Variants in P2RX7 observed in about 807,000 individuals in gnomAD.
The protein encoded by P2RX7 is P2X purinoceptor 7.
Under a neutral mutation model 71.6 loss-of-function variants are expected in P2RX7, and 62 were observed. The observed-to-expected ratio is 0.87, with a 90% CI of 0.71 to 1.07. The LOEUF is 1.07. P2RX7 is among the 50% of genes least tolerant of loss of function. The probability of loss-of-function intolerance (pLI) is 0.00; values close to 1 mark genes in which losing one functional copy is unlikely to be tolerated. For missense variants in P2RX7, 686 were observed against 748.5 expected, an observed-to-expected ratio of 0.92 and a Z score of 0.97; for synonymous variants, 299 against 283.3, an observed-to-expected ratio of 1.06 and a Z score of -0.56.
intron 4 of P2RX7, chr12:121,162,217 C>G (rs931311655): frequency 1.5e-6 from 2 of 1,363,606 alleles, no homozygotes; most frequent in African/African-American, 1.5e-5. Context: ...TGTGTTCTCT[C>G]TGATCTTTAT....
rs1019864445 is a variant in P2RX7 at position 121,185,306 on chromosome 12, G to A, written c.*504G>A. On this transcript the variant is annotated 3_prime_UTR_variant, in exon 13 of 13. Coordinates refer to ENST00000328963, the MANE Select transcript of P2RX7 (RefSeq NM_002562.6). ...GGACTCAGAGAAAAGAGATTGAGAT[G>A]TAAGTCTCAACTCTGTCCCCAGGAA... 1 of 154,518 alleles carries A rather than the reference G, an allele frequency of 6.5e-6. No homozygotes were observed. Among genetic ancestry groups the A allele is most frequent in the Non-Finnish European group, 1.4e-5 (1 of 69,692 alleles). 9.6% of individuals were successfully genotyped at this position (154,518 alleles called of 1,614,324 possible).
rs1407311161 is a variant in P2RX7, at chr12:121,154,586, G to A, written c.126-199G>A. Among the ~76,000 whole-genome samples, 1 of 152,140 alleles carries A rather than the reference G, an allele frequency of 6.6e-6. No homozygotes were observed. The highest frequency in any genetic ancestry group is 1.5e-5 in the Non-Finnish European group (1 of 68,022). On this transcript the variant is annotated intron_variant, in intron 1 of 12. Coordinates refer to ENST00000328963, the MANE Select transcript of P2RX7 (RefSeq NM_002562.6). This position sits in a 1 kb window ranked among gnomAD's most constrained non-coding sequence, Gnocchi z 4.2. ...ATACTGGGCAAAGGAGTCTGCAGACGTCTCTCATTTCATCCTCACAATCCA... is the reference window on the plus strand; with the variant it reads ...ATACTGGGCAAAGGAGTCTGCAGACATCTCTCATTTCATCCTCACAATCCA...
At chr12:121,175,324 A>AAAAAAAAAC (rs1882915769) in intron 8 of P2RX7, 64 bp from the exon 9 acceptor site, 1 of 1,023,498 alleles carries the variant, frequency 9.8e-7, no homozygotes, top group Non-Finnish European at 1.5e-6. Context: ...AAAAAAAAAA[A>AAAAAAAAAC]AAAAACCCAA....
chr12:121,139,535 CTGCTG>C (rs1433051058), intron 1 of P2RX7, among the ~76,000 whole-genome samples: 1 of 152,196 alleles, frequency 6.6e-6, no homozygotes, highest in East Asian at 1.9e-4. Context: ...GGAGATGGTG[CTGCTG>C]TGCTAGTTTG....
chr12:121,169,791 G>A (rs752513922), intron 8 of P2RX7, among the ~76,000 whole-genome samples: 21 of 152,108 alleles, frequency 1.4e-4, no homozygotes, highest in Non-Finnish European at 2.9e-4. Context: ...ATGCACCTCT[G>A]GTCCCAGCTA....
chr12:121,167,683 G>A lies in P2RX7; in HGVS notation c.881+59G>A, dbSNP rs570062659. ...GGCTGAATCGCATTCCCAGGAACTG[G>A]TGAGACTAATTTTGGTTTCCAAGGC... On this transcript the variant is annotated intron_variant, in intron 8 of 12. Coordinates refer to ENST00000328963, the MANE Select transcript of P2RX7 (RefSeq NM_002562.6). 8 of 1,425,868 alleles carry A rather than the reference G, an allele frequency of 5.6e-6. No individual in the cohort carries two copies. The South Asian group carries it at 1.1e-4, about 20-fold the overall frequency. The allele number at this position is 1,425,868 out of a possible 1,614,324, so 88.3% of individuals were successfully genotyped here. A position where few individuals can be genotyped will look rare whatever the true frequency, so the allele number is the denominator to read the frequency against.
intron 2 of P2RX7, 116 bp from the exon 3 acceptor site, chr12:121,155,963 C>G: frequency 1.1e-6 from 1 of 921,376 alleles, no homozygotes; most frequent in Non-Finnish European, 1.7e-6. Flanking sequence ...GCCCACAGAT[C>G]CTGATTTCTA....
At chr12:121,162,378 G>A (rs199666653) in intron 4 of P2RX7, 46 bp from the exon 5 acceptor site, 9 of 1,610,100 alleles carry the variant, frequency 5.6e-6, no homozygotes, top group Middle Eastern at 3.3e-4. Flanking sequence ...CGTCCTCTCC[G>A]CAGTTCTTTC....
intron 5 of P2RX7, among the ~76,000 whole-genome samples, chr12:121,164,501 C>G (rs1441583716): frequency 1.3e-5 from 2 of 152,170 alleles, no homozygotes; most frequent in Non-Finnish European, 2.9e-5. Context: ...AACTACCTAG[C>G]CAGGTGCGGT....
intron 1 of P2RX7, among the ~76,000 whole-genome samples, chr12:121,136,024 AT>A (rs1345688857): frequency 0.018 from 207 of 11,660 alleles, 6 homozygotes; most frequent in Admixed American, 0.021. Context: ...AAAAAAAAAA[AT>A]ATATATATAT....
intron 12 of P2RX7, among the ~76,000 whole-genome samples, chr12:121,184,064 C>CAA (rs34044134): frequency 1.5e-5 from 2 of 129,188 alleles, no homozygotes; most frequent in Non-Finnish European, 1.6e-5. Flanking sequence ...GACCCTCTCT[C>CAA]AAAAAAAAAA....
chr12:121,182,208 G>A (rs1020971615), intron 12 of P2RX7, among the ~76,000 whole-genome samples: 2 of 152,058 alleles, frequency 1.3e-5, no homozygotes, highest in East Asian at 3.9e-4. Context: ...TGAATGTGTT[G>A]TACTATTCTT....
chr12:121,142,093 C>A (rs542540827), intron 1 of P2RX7, among the ~76,000 whole-genome samples: 1 of 152,198 alleles, frequency 6.6e-6, no homozygotes, highest in Non-Finnish European at 1.5e-5. Flanking sequence ...GGGCCCCACT[C>A]TGTCCCTCTG....
At chr12:121,163,695 C>A (rs945670807) in intron 5 of P2RX7, among the ~76,000 whole-genome samples, 1 of 152,120 alleles carries the variant, frequency 6.6e-6, no homozygotes, top group African/African-American at 2.4e-5. Flanking sequence ...TGGGCTCAAG[C>A]GATCCTCCTG....
chr12:121,143,578 G>A (rs936670465), intron 1 of P2RX7, among the ~76,000 whole-genome samples: 6 of 151,378 alleles, frequency 4.0e-5, no homozygotes, highest in Admixed American at 1.3e-4. Flanking sequence ...GGCCAGGCGC[G>A]GTGGCTCACG....
chr12:121,177,557 G>C (rs1252187359), intron 11 of P2RX7, 111 bp downstream of exon 11: 5 of 1,061,096 alleles, frequency 4.7e-6, no homozygotes, highest in African/African-American at 1.6e-5. Flanking sequence ...TAGTGGATAC[G>C]TCGCTGGGTT....
chr12:121,151,558 GTTTGT>G (rs1353168610), intron 1 of P2RX7, among the ~76,000 whole-genome samples: 2 of 151,986 alleles, frequency 1.3e-5, no homozygotes. Context: ...TAATTCCCTT[GTTTGT>G]TTTAATATTT....
At chr12:121,165,325 A>G in intron 5 of P2RX7, 32 bp from the exon 6 acceptor site, 6 of 1,583,404 alleles carry the variant, frequency 3.8e-6, no homozygotes, top group Non-Finnish European at 5.2e-6. Context: ...TCCCCCCGTC[A>G]CTAATGGCCA....
At chr12:121,168,309 T>G (rs1881540319) in intron 8 of P2RX7, among the ~76,000 whole-genome samples, 1 of 150,884 alleles carries the variant, frequency 6.6e-6, no homozygotes, top group South Asian at 2.1e-4. Context: ...AGTCACACTC[T>G]GCTTGCCCAG....
Sources: allele counts gnomAD v4.1 joint callset (sites outside exome capture counted in the v4.1 genomes callset), GRCh38; gene constraint gnomAD v4.1.1; non-coding constraint Gnocchi (gnomAD v3.1); transcripts MANE v1.5; gene names NCBI Gene and HGNC (gene_info 2026-07-23, HGNC 2026-07-21).